Variants in ZEB1 observed in about 807,000 individuals in gnomAD.
The protein encoded by ZEB1 is zinc finger E-box-binding homeobox 1.
In ZEB1, 21 loss-of-function variants were observed where a neutral mutation model predicts 84.9. That is an observed-to-expected ratio of 0.25 (90% CI 0.18 to 0.36). ZEB1 has a LOEUF of 0.36. ZEB1 is among the 10% of genes least tolerant of loss of function. The pLI is 1.00. For synonymous variants in ZEB1, 420 were observed against 471.1 expected (o/e 0.89, Z 1.41); for missense variants, 1,104 against 1,330.2 (o/e 0.83, Z 2.65).
intron 1 of ZEB1, among the ~76,000 whole-genome samples, chr10:31,369,281 C>T (rs1304805469): frequency 2.0e-5 from 3 of 152,136 alleles, no homozygotes; most frequent in Non-Finnish European, 4.4e-5. Flanking sequence ...TGACTCTCGT[C>T]AACTTGCTAC....
rs150112516 is a variant in ZEB1 at position 31,336,603 on chromosome 10, G to A, written c.58+17311G>A. ...TAGATACTGTAGAGTGCCTAATCCC[G>A]TATTTAGCACATATCAAAATCTACC... is the stretch of plus-strand genomic sequence containing the variant. On this transcript the variant is annotated intron_variant, in intron 1 of 8. Coordinates refer to ENST00000424869, the MANE Select transcript of ZEB1 (RefSeq NM_001174096.2). 5.6e-3 allele frequency among the ~76,000 whole-genome samples: 853 copies of A among 152,106 alleles called. 13 individuals are homozygous for A. Among genetic ancestry groups the A allele is most frequent in the African/African-American group, 0.02 (813 of 41,510 alleles).
intron 1 of ZEB1, 79 bp downstream of exon 1, chr10:31,319,371 C>A (rs1471168390): frequency 1.4e-6 from 2 of 1,448,706 alleles, no homozygotes; most frequent in Admixed American, 1.9e-5. Context: ...GTGAGGGGGG[C>A]GAGCCGGGCT....
intron 2 of ZEB1, among the ~76,000 whole-genome samples, chr10:31,485,900 A>G (rs1245186505): frequency 1.3e-5 from 2 of 151,820 alleles, no homozygotes; most frequent in East Asian, 1.9e-4. Flanking sequence ...TTTTCATTCT[A>G]CCACAAATCC....
At chr10:31,496,591 A>C (rs1591854259) in intron 3 of ZEB1, among the ~76,000 whole-genome samples, 3 of 152,192 alleles carry the variant, frequency 2.0e-5, no homozygotes, top group African/African-American at 7.2e-5. Context: ...AACTTCAAAA[A>C]TGCATTCCAG....
intron 1 of ZEB1, among the ~76,000 whole-genome samples, chr10:31,346,767 A>G (rs999548953): frequency 1.3e-5 from 2 of 152,122 alleles, no homozygotes; most frequent in African/African-American, 4.8e-5. Flanking sequence ...AATCTTGTCA[A>G]ATTACATACA....
chr10:31,349,910 T>A (rs1037830981), intron 1 of ZEB1, among the ~76,000 whole-genome samples: 3 of 152,142 alleles, frequency 2.0e-5, no homozygotes, highest in Non-Finnish European at 4.4e-5. Context: ...TGAGCAGAAA[T>A]TTTTAGTTTG....
intron 1 of ZEB1, among the ~76,000 whole-genome samples, chr10:31,441,698 A>G (rs578182700): frequency 1.3e-5 from 2 of 152,344 alleles, no homozygotes; most frequent in South Asian, 4.1e-4. Context: ...AATGAACTCA[A>G]ACAAATTTAC....
intron 6 of ZEB1, among the ~76,000 whole-genome samples, chr10:31,518,272 A>G (rs922894670): frequency 2.0e-5 from 3 of 152,146 alleles, no homozygotes; most frequent in Non-Finnish European, 4.4e-5. Context: ...AGGTGGGTTA[A>G]CAAGCAGGTA....
chr10:31,498,334 C>T (rs2067578656), intron 3 of ZEB1, among the ~76,000 whole-genome samples: 1 of 151,968 alleles, frequency 6.6e-6, no homozygotes, highest in Non-Finnish European at 1.5e-5. Context: ...ACACCTAATA[C>T]CAATTTGTCT....
At chr10:31,364,390 C>T (rs1178085241) in intron 1 of ZEB1, among the ~76,000 whole-genome samples, 3 of 152,180 alleles carry the variant, frequency 2.0e-5, no homozygotes, top group East Asian at 1.9e-4. Context: ...TTCCACCTGG[C>T]GCCTGGCCCA....
rs1234102574 is a variant in ZEB1 at position 31,528,097 on chromosome 10, T to C, written c.*833T>C. ...GTGGTAACATATGAAGGATATGACA[T>C]GAAGCTTTGTATCTCCTTTGGCCTT... On this transcript the variant is annotated 3_prime_UTR_variant, in exon 9 of 9. Transcript: ENST00000424869. The C allele has an allele frequency of 6.6e-6, 1 of 152,232 alleles. No individual in the cohort carries two copies. The highest frequency in any genetic ancestry group is 1.9e-4 in the East Asian group (1 of 5,200). The allele number at this position is 152,232 out of a possible 1,614,324, so 9.4% of individuals were successfully genotyped here. A position where few individuals can be genotyped will look rare whatever the true frequency, so the allele number is the denominator to read the frequency against.
chr10:31,342,076 C>T (rs1310672144), intron 1 of ZEB1, among the ~76,000 whole-genome samples: 1 of 152,128 alleles, frequency 6.6e-6, no homozygotes, highest in Non-Finnish European at 1.5e-5. Context: ...TAACCCTCAC[C>T]ACAACCATAG....
chr10:31,396,977 G>T (rs11008483), intron 1 of ZEB1, among the ~76,000 whole-genome samples: 9,786 of 150,714 alleles, frequency 0.065, 791 homozygotes, highest in African/African-American at 0.18. Flanking sequence ...AAAATAGCTC[G>T]AGCTCTCCTA....
chr10:31,504,872 A>T (rs560180511), intron 4 of ZEB1, among the ~76,000 whole-genome samples: 1 of 152,228 alleles, frequency 6.6e-6, no homozygotes, highest in South Asian at 2.1e-4. Context: ...TTTTCTAGAT[A>T]TTAGATCATA....
At chr10:31,411,155 A>T (rs568418273) in intron 1 of ZEB1, among the ~76,000 whole-genome samples, 33 of 152,244 alleles carry the variant, frequency 2.2e-4, no homozygotes, top group African/African-American at 8.0e-4. Flanking sequence ...AACGGAAATC[A>T]TAACAGTATA....
Position 31,502,356 on chromosome 10 carries a change from G to A in ZEB1, c.331G>A (p.Asp111Asn), listed in dbSNP as rs757878118. The change falls in exon 4 of 9, where the codon GAT (aspartate) becomes AAT (asparagine). Residue 111 changes from aspartate (D) to asparagine (N), a missense_variant. This residue lies in a region of ZEB1 where 162 missense variants were observed against 184.5 expected (regional missense o/e 0.88). Coordinates refer to ENST00000424869, the MANE Select transcript of ZEB1 (RefSeq NM_001174096.2). ...GTATGCATTTTTTTTAGTAAAAGAT[G>A]ATGAATGCGAGTCAGATGCAGAAAA... ...ADEAGCTVKDDECESDAENEQ... is the reference protein window; with the variant it reads ...ADEAGCTVKDNECESDAENEQ... 11 of 1,613,568 alleles carry A rather than the reference G, an allele frequency of 6.8e-6. No homozygotes were observed. In the East Asian group the frequency reaches 2.0e-4, roughly 29 times the overall value.
At chr10:31,455,759 CAG>C (rs1303755717) in intron 1 of ZEB1, among the ~76,000 whole-genome samples, 1 of 152,160 alleles carries the variant, frequency 6.6e-6, no homozygotes, top group Non-Finnish European at 1.5e-5. Context: ...CAGGAAACAA[CAG>C]GTGCTGGAGA....
chr10:31,481,518 T>A (rs2138468941), intron 2 of ZEB1, among the ~76,000 whole-genome samples: 1 of 151,998 alleles, frequency 6.6e-6, no homozygotes, highest in South Asian at 2.1e-4. Context: ...AAAATAAATT[T>A]CAGGTGCAGC....
chr10:31,483,872 A>G (rs2065385953), intron 2 of ZEB1, among the ~76,000 whole-genome samples: 1 of 152,008 alleles, frequency 6.6e-6, no homozygotes, highest in Non-Finnish European at 1.5e-5. Flanking sequence ...AGTCCATCCC[A>G]GGTCTCACTG....
Sources: allele counts gnomAD v4.1 joint callset (sites outside exome capture counted in the v4.1 genomes callset), GRCh38; gene constraint gnomAD v4.1.1; regional missense constraint gnomAD v4.1.1; transcripts MANE v1.5; gene names NCBI Gene and HGNC (gene_info 2026-07-23, HGNC 2026-07-21).